The following SLIT3 variants were observed in gnomAD, a reference collection of about 807,000 sequenced individuals.
The protein encoded by SLIT3 is slit guidance ligand 3.
Under a neutral mutation model 184.0 loss-of-function variants are expected in SLIT3, and 68 were observed. The observed-to-expected ratio is 0.37, with a 90% CI of 0.30 to 0.45. SLIT3 has a LOEUF of 0.45. SLIT3 is among the 20% of genes least tolerant of loss of function. The pLI is 1.00. For synonymous variants in SLIT3, 831 were observed against 828.6 expected (o/e 1.00, Z -0.05); for missense variants, 1,707 against 2,026.0 (o/e 0.84, Z 3.02).
chr5:168,822,677 G>T (rs540180991), intron 7 of SLIT3, among the ~76,000 whole-genome samples: 43 of 152,228 alleles, frequency 2.8e-4, no homozygotes, highest in African/African-American at 9.6e-4. Flanking sequence ...GAAAACTTAA[G>T]CCCACCTAAG....
chr5:169,244,707 T>C lies in SLIT3; in HGVS notation c.339A>G (p.Arg113=), dbSNP rs531573918. ...GAFQDLKQLE[R]LRLNKNKLQV... is the part of the protein sequence containing the mutation. ...AAAGGAGGCTGTACTGTACTTACAG[T>C]CGCTCTAGCTGCTTCAGGTCCTGGA... The change falls in exon 3 of 36, where the codon CGA becomes CGG. Residue 113 remains arginine, a splice_region_variant and synonymous_variant. Coordinates refer to ENST00000519560, the MANE Select transcript of SLIT3 (RefSeq NM_003062.4). 6.8e-6 allele frequency: 11 copies of C among 1,613,204 alleles called. No individual in the cohort carries two copies. In the South Asian group the frequency reaches 1.2e-4, roughly 18 times the overall value.
chr5:169,262,810 A>G (rs1442996649), intron 1 of SLIT3, among the ~76,000 whole-genome samples: 1 of 152,182 alleles, frequency 6.6e-6, no homozygotes, highest in Non-Finnish European at 1.5e-5. Flanking sequence ...CTTCATTGGC[A>G]CATATGTTCC....
intron 4 of SLIT3, among the ~76,000 whole-genome samples, chr5:169,050,797 T>G (rs997370521): frequency 1.3e-5 from 2 of 152,034 alleles, no homozygotes; most frequent in Non-Finnish European, 2.9e-5. Context: ...AAAGACGCCA[T>G]AGGTATCACG....
chr5:169,215,773 C>A (rs1421772), intron 3 of SLIT3, among the ~76,000 whole-genome samples: 31,084 of 152,104 alleles, frequency 0.2, 4,003 homozygotes, highest in East Asian at 0.63. Context: ...ATAAATGATA[C>A]ATTTCAAAGG....
At chr5:168,927,311 G>C (rs537695231) in intron 4 of SLIT3, among the ~76,000 whole-genome samples, 3 of 152,260 alleles carry the variant, frequency 2.0e-5, no homozygotes, top group East Asian at 3.9e-4. Context: ...TGAGTACCTA[G>C]AGTAGCCAAA....
chr5:169,069,045 A>G lies in SLIT3; in HGVS notation c.413+124434T>C, dbSNP rs1028869779. On this transcript the variant is annotated intron_variant, in intron 4 of 35. Coordinates refer to ENST00000519560, the MANE Select transcript of SLIT3 (RefSeq NM_003062.4). ...AGAAGGTACAGCTAGGAAATAACAAAGCAATGGCTGCCCTTTATTGAAGAG... is the reference window on the plus strand; with the variant it reads ...AGAAGGTACAGCTAGGAAATAACAAGGCAATGGCTGCCCTTTATTGAAGAG... Among the ~76,000 whole-genome samples, 3 of 152,218 alleles carry G rather than the reference A, an allele frequency of 2.0e-5. No homozygotes were observed. The East Asian group carries it at 5.8e-4, about 29-fold the overall frequency.
chr5:168,967,876 G>T (rs966149781), intron 4 of SLIT3, among the ~76,000 whole-genome samples: 1 of 152,084 alleles, frequency 6.6e-6, no homozygotes, highest in Non-Finnish European at 1.5e-5. Flanking sequence ...ACCATGCAAG[G>T]CTGGCAGAAA....
At chr5:168,861,155 G>A (rs530184488) in intron 5 of SLIT3, among the ~76,000 whole-genome samples, 1 of 152,058 alleles carries the variant, frequency 6.6e-6, no homozygotes, top group African/African-American at 2.4e-5. Flanking sequence ...TGTGCACAAC[G>A]TGCAGGTTTG....
At chr5:168,792,645 A>T (rs964891495) in intron 10 of SLIT3, among the ~76,000 whole-genome samples, 1 of 152,216 alleles carries the variant, frequency 6.6e-6, no homozygotes, top group African/African-American at 2.4e-5. Flanking sequence ...GCCTAAGAGC[A>T]TGAAAGAGAA....
chr5:168,998,163 AC>A (rs1755577701), intron 4 of SLIT3, among the ~76,000 whole-genome samples: 2 of 152,192 alleles, frequency 1.3e-5, no homozygotes, highest in Admixed American at 6.5e-5. Flanking sequence ...ATAAAATGCC[AC>A]CAGAAAATGT....
At chr5:168,971,645 A>G (rs1351143903) in intron 4 of SLIT3, among the ~76,000 whole-genome samples, 1 of 152,226 alleles carries the variant, frequency 6.6e-6, no homozygotes, top group East Asian at 1.9e-4. Context: ...GTTTTTAATA[A>G]AAAACATTCA....
intron 4 of SLIT3, among the ~76,000 whole-genome samples, chr5:169,179,307 C>CTTTTTTTT (rs1763078695): frequency 9.0e-6 from 1 of 110,554 alleles, no homozygotes; most frequent in Non-Finnish European, 1.9e-5. Context: ...CAGACCAAGG[C>CTTTTTTTT]TTGGTTTTTG....
chr5:168,763,046 G>A (rs745786074), intron 14 of SLIT3, among the ~76,000 whole-genome samples: 2 of 152,098 alleles, frequency 1.3e-5, no homozygotes, highest in Admixed American at 6.5e-5. Flanking sequence ...TACAGTCTAC[G>A]ATTTTAGGGG....
chr5:169,072,001 A>C (rs1039047680), intron 4 of SLIT3, among the ~76,000 whole-genome samples: 3 of 151,940 alleles, frequency 2.0e-5, no homozygotes, highest in African/African-American at 7.2e-5. Context: ...AGTTGGAACT[A>C]GAACAATAGC....
At chr5:169,030,210 C>G (rs1756976172) in intron 4 of SLIT3, among the ~76,000 whole-genome samples, 1 of 152,236 alleles carries the variant, frequency 6.6e-6, no homozygotes, top group South Asian at 2.1e-4. Flanking sequence ...TTCTGACTGC[C>G]CCTTGGCTAA....
Position 168,814,521 on chromosome 5 carries a change from CGTGTGGA to C in SLIT3, c.793+2772_793+2778del, listed in dbSNP as rs146235682. 1.8e-3 allele frequency among the ~76,000 whole-genome samples: 278 copies of C among 152,194 alleles called. 3 individuals carry two copies. The highest frequency in any genetic ancestry group is 6.3e-3 in the African/African-American group (263 of 41,524). On this transcript the variant is annotated intron_variant, in intron 8 of 35. Coordinates refer to ENST00000519560, the MANE Select transcript of SLIT3 (RefSeq NM_003062.4). ...GGGCAGGACTGGTTGTTGGTGGTGG[CGTGTGGA>C]GTGTGGTCAGTCCTTGAAAATAGCT...
chr5:168,749,362 C>G, intron 19 of SLIT3, 110 bp downstream of exon 19: 1 of 1,324,302 alleles, frequency 7.6e-7, no homozygotes, highest in East Asian at 2.3e-5. Context: ...CAGCTGCATG[C>G]CCAAAGCAAA....
intron 6 of SLIT3, among the ~76,000 whole-genome samples, chr5:168,843,463 C>T (rs1054897963): frequency 6.6e-6 from 1 of 152,192 alleles, no homozygotes; most frequent in African/African-American, 2.4e-5. Flanking sequence ...CCCCACTCTG[C>T]TATCAGTCAC....
intron 14 of SLIT3, chr5:168,768,144 G>T: frequency 2.0e-6 from 1 of 511,320 alleles, no homozygotes. Flanking sequence ...GGCGGGCCAT[G>T]CTGCAGGAGA....
Sources: gnomAD v4.1 joint callset for allele counts (sites outside exome capture counted in the v4.1 genomes callset) on GRCh38, gnomAD v4.1.1 for gene constraint, MANE v1.5 for transcripts, NCBI Gene and HGNC (gene_info 2026-07-23, HGNC 2026-07-21) for gene names.